The following TCF3 variants were observed in gnomAD, a reference collection of about 807,000 sequenced individuals.
TCF3 encodes the protein transcription factor 3.
In TCF3, 54 loss-of-function variants were observed where a neutral mutation model predicts 72.3. That is an observed-to-expected ratio of 0.75 (90% CI 0.60 to 0.94). The LOEUF is 0.94. TCF3 is among the 40% of genes least tolerant of loss of function. The pLI, the probability that TCF3 is intolerant of heterozygous loss-of-function variation, is 0.00. For missense variants in TCF3, 1,078 were observed against 934.4 expected, an observed-to-expected ratio of 1.15 and a Z score of -2.00; for synonymous variants, 525 against 412.6, an observed-to-expected ratio of 1.27 and a Z score of -3.30.
Position 1,627,346 on chromosome 19 carries a change from C to A in TCF3, c.366+13G>T, listed in dbSNP as rs770179744. ...AAATCAAAATACACCCCAGCCCGGC[C>A]CGAGCCCCTCACCTGAGTCAGGCCG... On this transcript the variant is annotated intron_variant, in intron 6 of 18. Transcript: ENST00000262965. 1 of 1,605,654 alleles carries A rather than the reference C, an allele frequency of 6.2e-7. No homozygotes were observed. The highest frequency in any genetic ancestry group is 1.1e-5 in the South Asian group (1 of 89,698).
At chr19:1,623,374 ACCC>A (rs71335378) in intron 8 of TCF3, among the ~76,000 whole-genome samples, 1 of 121,602 alleles carries the variant, frequency 8.2e-6, no homozygotes, top group Non-Finnish European at 1.7e-5. Flanking sequence ...CAATTGCGGC[ACCC>A]CCCGCTTTTT....
At chr19:1,627,304 G>A (rs959596808) in intron 6 of TCF3, 55 bp downstream of exon 6, 7 of 1,468,856 alleles carry the variant, frequency 4.8e-6, no homozygotes, top group Non-Finnish European at 5.6e-6. Flanking sequence ...AGAGAGGGTG[G>A]GTGACAGATT....
chr19:1,642,054 A>G (rs1395706727), intron 3 of TCF3, among the ~76,000 whole-genome samples: 1 of 152,082 alleles, frequency 6.6e-6, no homozygotes, highest in East Asian at 1.9e-4. Context: ...CTAAAAAAAA[A>G]AAATCGTACA....
chr19:1,638,927 G>C (rs898621429), intron 3 of TCF3, among the ~76,000 whole-genome samples: 1 of 152,184 alleles, frequency 6.6e-6, no homozygotes, highest in East Asian at 1.9e-4. Context: ...ACACGGTGCC[G>C]ACCAAAGACA....
Position 1,615,152 on chromosome 19 carries a change from C to T in TCF3, c.1822+133G>A. 1 of 1,077,106 alleles carries T rather than the reference C, an allele frequency of 9.3e-7. No individual in the cohort carries two copies. Among genetic ancestry groups the T allele is most frequent in the Non-Finnish European group, 1.3e-6 (1 of 769,258 alleles). 66.7% of individuals were successfully genotyped at this position (1,077,106 alleles called of 1,614,324 possible). ...AATGCGGTCAGAGGGGTGAAGGGCA[C>T]AGTCACTGCAAGGAGGCAACTGCTG... On this transcript the variant is annotated intron_variant, in intron 18 of 18. Transcript: ENST00000262965. The surrounding 1 kb of genome is among the most constrained non-coding windows in gnomAD (Gnocchi z 7.3).
chr19:1,647,253 CT>C (rs1158385775), intron 2 of TCF3, among the ~76,000 whole-genome samples: 4 of 152,218 alleles, frequency 2.6e-5, no homozygotes, highest in Non-Finnish European at 5.9e-5. Flanking sequence ...GCAACAAACC[CT>C]TTTGCCACAG....
chr19:1,631,240 G>T (rs1037814199), intron 5 of TCF3, among the ~76,000 whole-genome samples: 1 of 151,766 alleles, frequency 6.6e-6, no homozygotes, highest in Non-Finnish European at 1.5e-5. Context: ...TCCGTGGTGG[G>T]GTGGGACCAG....
At chr19:1,612,263 AGCTTGGTCTGC>A in intron 18 of TCF3, 1 of 1,611,714 alleles carries the variant, frequency 6.2e-7, no homozygotes, top group Non-Finnish European at 8.5e-7. Context: ...CAGGATGAGC[AGCTTGGTCTGC>A]GCTTTGTCCG....
chr19:1,617,835 T>C lies in TCF3; in HGVS notation c.1450+1276A>G, dbSNP rs188003050. On this transcript the variant is annotated intron_variant, in intron 16 of 18. Transcript: ENST00000262965. ...ACTGCAGGGTGCTGAGCAGCATCCCTGGCCCCCACCCACTCCATGCCAGGA... is the reference window on the plus strand; with the variant it reads ...ACTGCAGGGTGCTGAGCAGCATCCCCGGCCCCCACCCACTCCATGCCAGGA... Among the ~76,000 whole-genome samples, 716 of 152,270 alleles carry C rather than the reference T, an allele frequency of 4.7e-3. 4 individuals carry two copies. The highest frequency in any genetic ancestry group is 0.016 in the African/African-American group (654 of 41,560).
chr19:1,620,105 C>G (rs1321173190), intron 13 of TCF3, among the ~76,000 whole-genome samples: 3 of 152,294 alleles, frequency 2.0e-5, no homozygotes, highest in Middle Eastern at 3.4e-3. Context: ...CAACTCCCCA[C>G]TCAGAGGATA....
chr19:1,619,721 A>G lies in TCF3; in HGVS notation c.1167+59T>C, dbSNP rs1326831839. 8.6e-6 allele frequency: 10 copies of G among 1,163,880 alleles called. No individual in the cohort carries two copies. The African/African-American group carries it at 1.3e-4, about 15-fold the overall frequency. 72.1% of individuals were successfully genotyped at this position (1,163,880 alleles called of 1,614,324 possible). ...ACAAAAAGGTTTCTCCTTCTCAAGGAGCGTCTGTCCTGCAAATTCTGTCGG... is the reference window on the plus strand; with the variant it reads ...ACAAAAAGGTTTCTCCTTCTCAAGGGGCGTCTGTCCTGCAAATTCTGTCGG... On this transcript the variant is annotated intron_variant, in intron 14 of 18. Transcript: ENST00000262965.
chr19:1,632,031 C>G lies in TCF3; in HGVS notation c.298+7G>C. The G allele has an allele frequency of 6.2e-7, 1 of 1,612,150 alleles. No individual in the cohort carries two copies. The highest frequency in any genetic ancestry group is 8.5e-7 in the Non-Finnish European group (1 of 1,179,242). Reference sequence around the variant, plus strand: ...AGCAGAGGGACCGCACCAGGCCAGGCACTCACCTCCGAGTCCCGGTCCCAG... The same window carrying G: ...AGCAGAGGGACCGCACCAGGCCAGGGACTCACCTCCGAGTCCCGGTCCCAG... On this transcript the variant is annotated splice_region_variant and intron_variant, in intron 5 of 18. Coordinates refer to ENST00000262965, the MANE Select transcript of TCF3 (RefSeq NM_003200.5).
At chr19:1,650,493 G>A in intron 1 of TCF3, 1 of 495,232 alleles carries the variant, frequency 2.0e-6, no homozygotes, top group East Asian at 3.2e-5. Flanking sequence ...TCCCTGCAGA[G>A]TCCTCCCCAG....
At chr19:1,629,712 C>T (rs545112972) in intron 5 of TCF3, among the ~76,000 whole-genome samples, 13 of 152,256 alleles carry the variant, frequency 8.5e-5, no homozygotes, top group Non-Finnish European at 1.8e-4. Flanking sequence ...ACACTGGGCA[C>T]GGAATGTGAC....
At position 1,610,444 on chromosome 19, in the gene TCF3, G is replaced by C. The variant is rs2060903584; in HGVS notation, c.*1263C>G. 1 of 231,180 alleles carries C rather than the reference G, an allele frequency of 4.3e-6. No individual in the cohort carries two copies. The highest frequency in any genetic ancestry group is 8.6e-6 in the Non-Finnish European group (1 of 116,928). 14.3% of individuals were successfully genotyped at this position (231,180 alleles called of 1,614,324 possible). ...GGTGGGGTGGGGTGGGGGGTGTCCT[G>C]TGCTGGCTCCTGAGCAGCATCCTCT... On this transcript the variant is annotated 3_prime_UTR_variant, in exon 19 of 19. Transcript: ENST00000262965.
chr19:1,615,364 G>A lies in TCF3; in HGVS notation c.1743C>T (p.Asn581=). 1 of 1,613,994 alleles carries A rather than the reference G, an allele frequency of 6.2e-7. No homozygotes were observed. The highest frequency in any genetic ancestry group is 1.1e-5 in the South Asian group (1 of 91,092). Residue 581 remains asparagine, a synonymous_variant, in exon 18 of 19, where the codon AAC becomes AAT. Transcript: ENST00000262965. The surrounding 1 kb of genome is among the most constrained non-coding windows in gnomAD (Gnocchi z 7.3). ...GCAGTTTGGTCTGGGGCTTCTCGCT[G>A]TTGAGGTGCAGTTGGCACATGCGCC... is the stretch of plus-strand genomic sequence containing the variant. The part of the protein sequence containing the change: ...ELGRMCQLHL[N]SEKPQTKLLI...
chr19:1,629,983 G>A (rs1445200112), intron 5 of TCF3, among the ~76,000 whole-genome samples: 1 of 152,170 alleles, frequency 6.6e-6, no homozygotes, highest in African/African-American at 2.4e-5. Flanking sequence ...GAAAACTGAG[G>A]CCATAGGAGA....
intron 3 of TCF3, among the ~76,000 whole-genome samples, chr19:1,634,572 G>C (rs564017171): frequency 9.2e-5 from 14 of 152,358 alleles, no homozygotes; most frequent in Middle Eastern, 3.4e-3. Flanking sequence ...TGCTGCTTCA[G>C]AGAGGCCATC....
rs540129881 is a variant in TCF3, at chr19:1,651,179, A to C, written c.-39-892T>G. On this transcript the variant is annotated intron_variant, in intron 1 of 18. Coordinates refer to ENST00000262965, the MANE Select transcript of TCF3 (RefSeq NM_003200.5). ...CCATTCCACCCCCAGAAAAAGGTACAGAGAAAAATTTCCATTCCAAAGAAA... is the reference window on the plus strand; with the variant it reads ...CCATTCCACCCCCAGAAAAAGGTACCGAGAAAAATTTCCATTCCAAAGAAA... 2.8e-4 allele frequency: 65 copies of C among 230,962 alleles called. 1 individual carries two copies. Among genetic ancestry groups the C allele is most frequent in the African/African-American group, 1.2e-3 (53 of 45,288 alleles). 14.3% of individuals were successfully genotyped at this position (230,962 alleles called of 1,614,324 possible). A position where few individuals can be genotyped will look rare whatever the true frequency, so the allele number is the denominator to read the frequency against.
Sources: allele counts gnomAD v4.1 joint callset (sites outside exome capture counted in the v4.1 genomes callset), GRCh38; gene constraint gnomAD v4.1.1; non-coding constraint Gnocchi (gnomAD v3.1); transcripts MANE v1.5; gene names NCBI Gene and HGNC (gene_info 2026-07-23, HGNC 2026-07-21).